RBFOX1: variants seen among roughly 807,000 people sequenced by gnomAD.
The protein encoded by RBFOX1 is RNA binding fox-1 homolog 1, also known as RNA binding protein fox-1 homolog 1.
In RBFOX1, 8 loss-of-function variants were observed where a neutral mutation model predicts 57.7. The ratio of observed to expected loss-of-function variants is 0.14; its 90% CI spans 0.08 to 0.25. The LOEUF (loss-of-function observed/expected upper bound fraction) is 0.25, where lower values mean the gene tolerates loss of function less well. RBFOX1 is among the 10% of genes least tolerant of loss of function. The pLI, the probability that RBFOX1 is intolerant of heterozygous loss-of-function variation, is 1.00. For missense variants in RBFOX1, 611 were observed against 548.5 expected, an observed-to-expected ratio of 1.11 and a Z score of -1.14; for synonymous variants, 326 against 222.4, an observed-to-expected ratio of 1.47 and a Z score of -4.15.
chr16:7,446,634 T>G (rs887262259), intron 4 of RBFOX1, among the ~76,000 whole-genome samples: 1 of 152,084 alleles, frequency 6.6e-6, no homozygotes, highest in African/African-American at 2.4e-5. Context: ...CTGAACCACA[T>G]GAGCCTGTCT....
intron 1 of RBFOX1, among the ~76,000 whole-genome samples, chr16:6,127,919 A>T (rs1342302773): frequency 6.6e-6 from 1 of 152,190 alleles, no homozygotes; most frequent in Non-Finnish European, 1.5e-5. Flanking sequence ...TGAATAAGGG[A>T]AGCGTGCATT....
chr16:7,139,575 A>C (rs11863081), intron 4 of RBFOX1, among the ~76,000 whole-genome samples: 110,561 of 151,996 alleles, frequency 0.73, 41,079 homozygotes, highest in Middle Eastern at 0.82. Context: ...GGTAAGGGTA[A>C]CTTCTACTAC....
intron 3 of RBFOX1, among the ~76,000 whole-genome samples, chr16:6,921,124 C>T (rs961288847): frequency 1.3e-5 from 2 of 152,178 alleles, no homozygotes; most frequent in Non-Finnish European, 2.9e-5. Flanking sequence ...GTTTCCTAAA[C>T]TCCCCCAGGC....
At chr16:6,715,995 G>A (rs887459856) in intron 3 of RBFOX1, among the ~76,000 whole-genome samples, 1 of 136,832 alleles carries the variant, frequency 7.3e-6, no homozygotes, top group South Asian at 2.5e-4. Flanking sequence ...CCAACTCTGT[G>A]GGGCCATTAA....
intron 3 of RBFOX1, among the ~76,000 whole-genome samples, chr16:5,822,875 C>G (rs890246381): frequency 6.6e-6 from 1 of 152,176 alleles, no homozygotes; most frequent in Non-Finnish European, 1.5e-5. Flanking sequence ...GCTTAAAATG[C>G]ATCTGAAAGG....
At chr16:6,355,364 T>C (rs752028206) in intron 2 of RBFOX1, among the ~76,000 whole-genome samples, 1 of 152,118 alleles carries the variant, frequency 6.6e-6, no homozygotes, top group African/African-American at 2.4e-5. Context: ...AACTCCCACT[T>C]ATGAGTGAGA....
chr16:6,129,114 A>G (rs1389478648), intron 1 of RBFOX1, among the ~76,000 whole-genome samples: 1 of 152,216 alleles, frequency 6.6e-6, no homozygotes, highest in African/African-American at 2.4e-5. Context: ...TCAACATACC[A>G]CAAAATTTAT....
intron 2 of RBFOX1, among the ~76,000 whole-genome samples, chr16:6,408,956 CTTCT>C (rs1567211270): frequency 3.9e-5 from 6 of 152,136 alleles, no homozygotes; most frequent in African/African-American, 1.2e-4. Context: ...TTTACCACCC[CTTCT>C]GTGATCTCCC....
At chr16:6,200,255 A>G (rs896628285) in intron 1 of RBFOX1, among the ~76,000 whole-genome samples, 1 of 152,176 alleles carries the variant, frequency 6.6e-6, no homozygotes, top group Admixed American at 6.5e-5. Flanking sequence ...GATTCTCCCT[A>G]ATGACAAGAG....
intron 3 of RBFOX1, among the ~76,000 whole-genome samples, chr16:7,036,713 A>G (rs138892864): frequency 1.6e-5 from 2 of 123,446 alleles, no homozygotes; most frequent in Admixed American, 8.3e-5. Flanking sequence ...AAACAAACAA[A>G]AAAAACAAAA....
chr16:6,062,865 G>T (rs1463518269), intron 1 of RBFOX1, among the ~76,000 whole-genome samples: 2 of 152,074 alleles, frequency 1.3e-5, no homozygotes, highest in Non-Finnish European at 2.9e-5. Context: ...GAGAGTTGAT[G>T]TTGTAGTCTT....
intron 1 of RBFOX1, among the ~76,000 whole-genome samples, chr16:6,083,370 GAA>G (rs2096036993): frequency 6.6e-6 from 1 of 152,210 alleles, no homozygotes; most frequent in Non-Finnish European, 1.5e-5. Context: ...TGGAGACTCA[GAA>G]GATCCCTCAT....
At chr16:6,981,652 C>T (rs1314724454) in intron 3 of RBFOX1, among the ~76,000 whole-genome samples, 1 of 152,114 alleles carries the variant, frequency 6.6e-6, no homozygotes, top group Admixed American at 6.6e-5. Flanking sequence ...AGTGGCAAGC[C>T]AGAGAATTTG....
chr16:6,096,999 CATAA>C, intron 1 of RBFOX1, among the ~76,000 whole-genome samples: 1 of 152,248 alleles, frequency 6.6e-6, no homozygotes, highest in Middle Eastern at 3.4e-3. Context: ...TTGTAGCTCC[CATAA>C]TTCCCATGTG....
chr16:5,565,920 C>T (rs1244416536), intron 2 of RBFOX1, among the ~76,000 whole-genome samples: 4 of 151,852 alleles, frequency 2.6e-5, no homozygotes, highest in Non-Finnish European at 4.4e-5. Context: ...GGGAGGGACC[C>T]GGTGGGAGAT....
At chr16:6,499,013 C>T (rs1170645713) in intron 2 of RBFOX1, among the ~76,000 whole-genome samples, 3 of 152,140 alleles carry the variant, frequency 2.0e-5, no homozygotes, top group Non-Finnish European at 2.9e-5. Context: ...AAATTATTAC[C>T]ATTCTATGAT....
At position 5,947,101 on chromosome 16, in the gene RBFOX1, A is replaced by C. The variant is rs144455934; in HGVS notation, c.351+79766A>C. Reference sequence around the variant, plus strand: ...ATGTGGTTGTGCATACTGTAGTCCCAGATACTCAGGAGGCTGAGGTAGGAG... The same window carrying C: ...ATGTGGTTGTGCATACTGTAGTCCCCGATACTCAGGAGGCTGAGGTAGGAG... On this transcript the variant is annotated intron_variant, in intron 4 of 19. Transcript: ENST00000641259. This position sits in a 1 kb window ranked among gnomAD's most constrained non-coding sequence, Gnocchi z 7.2. Among the ~76,000 whole-genome samples, 1,018 of 152,284 alleles carry C rather than the reference A, an allele frequency of 6.7e-3. 10 individuals carry two copies. The highest frequency in any genetic ancestry group is 0.022 in the East Asian group (116 of 5,174).
intron 3 of RBFOX1, among the ~76,000 whole-genome samples, chr16:5,648,353 C>T (rs569655316): frequency 5.3e-5 from 8 of 152,258 alleles, no homozygotes; most frequent in East Asian, 1.9e-4. Flanking sequence ...AGAATGCATG[C>T]GAGTGTGATC....
chr16:5,896,050 G>A (rs950468323), intron 4 of RBFOX1, among the ~76,000 whole-genome samples: 3 of 152,108 alleles, frequency 2.0e-5, no homozygotes, highest in African/African-American at 7.2e-5. Context: ...GAGCCTGAGA[G>A]GGGATTTTCC....
Sources: allele counts gnomAD v4.1 joint callset (sites outside exome capture counted in the v4.1 genomes callset), GRCh38; gene constraint gnomAD v4.1.1; non-coding constraint Gnocchi (gnomAD v3.1); transcripts MANE v1.5; gene names NCBI Gene and HGNC (gene_info 2026-07-23, HGNC 2026-07-21).